Variants in TAF3 observed in about 807,000 individuals in gnomAD.
TAF3 encodes transcription initiation factor TFIID subunit 3.
A neutral mutation model predicts 80.6 loss-of-function variants in TAF3; 7 were observed. The ratio of observed to expected loss-of-function variants is 0.09; its 90% confidence interval spans 0.05 to 0.16. TAF3 has a LOEUF of 0.16. TAF3 is among the 10% of genes least tolerant of loss of function. TAF3 has a pLI of 1.00. For synonymous variants in TAF3, 444 were observed against 446.1 expected, an observed-to-expected ratio of 1.00 and a Z score of 0.06; for missense variants, 921 against 1,140.2, an observed-to-expected ratio of 0.81 and a Z score of 2.77.
At chr10:7,865,944 T>A (rs1306864962) in intron 2 of TAF3, among the ~76,000 whole-genome samples, 1 of 152,198 alleles carries the variant, frequency 6.6e-6, no homozygotes, top group Non-Finnish European at 1.5e-5. Flanking sequence ...CCCCATCGTG[T>A]GTAACAGACT....
chr10:7,855,376 C>G (rs569698776), intron 2 of TAF3, among the ~76,000 whole-genome samples: 5 of 152,270 alleles, frequency 3.3e-5, no homozygotes, highest in African/African-American at 1.2e-4. Context: ...ACACACCAGA[C>G]CAGAAGGCAG....
intron 2 of TAF3, among the ~76,000 whole-genome samples, chr10:7,857,504 G>A (rs369045147): frequency 1.4e-3 from 207 of 152,286 alleles, no homozygotes; most frequent in South Asian, 6.8e-3. Context: ...CACAGTCTTC[G>A]GAGTGTGGAG....
At chr10:8,007,562 T>TTTTATA (rs1491164847) in intron 4 of TAF3, among the ~76,000 whole-genome samples, 1 of 60,526 alleles carries the variant, frequency 1.7e-5, no homozygotes, top group African/African-American at 7.5e-5. Flanking sequence ...GTGTGTGAAA[T>TTTTATA]TATATATATA....
chr10:7,916,193 A>G (rs192762652), intron 2 of TAF3, among the ~76,000 whole-genome samples: 12 of 152,282 alleles, frequency 7.9e-5, no homozygotes, highest in Admixed American at 3.3e-4. Context: ...AGTGAGCTAG[A>G]CAGTTTCCTT....
At chr10:7,887,062 C>T (rs1005089429) in intron 2 of TAF3, among the ~76,000 whole-genome samples, 1 of 151,770 alleles carries the variant, frequency 6.6e-6, no homozygotes, top group African/African-American at 2.4e-5. Flanking sequence ...GGTGAAACCT[C>T]GTCTCTACTA....
At position 7,901,798 on chromosome 10, in the gene TAF3, C is replaced by T. The variant is rs564893786; in HGVS notation, c.410-62122C>T. Among the ~76,000 whole-genome samples, 53 of 152,280 alleles carry T rather than the reference C, an allele frequency of 3.5e-4. No individual in the cohort carries two copies. The South Asian group carries it at 7.1e-3, about 20-fold the overall frequency. ...TACAGCTGAATGACTAAGGCTGTGA[C>T]GGTCACATTTAAATAACTTTGTTTT... On this transcript the variant is annotated intron_variant, in intron 2 of 6. Transcript: ENST00000344293.
intron 2 of TAF3, among the ~76,000 whole-genome samples, chr10:7,827,747 T>C (rs1836756911): frequency 6.8e-6 from 1 of 147,568 alleles, no homozygotes; most frequent in African/African-American, 2.5e-5. Flanking sequence ...GCCACTGTAC[T>C]CCAGCCTGGG....
At chr10:7,871,146 T>C (rs979619814) in intron 2 of TAF3, among the ~76,000 whole-genome samples, 1 of 152,116 alleles carries the variant, frequency 6.6e-6, no homozygotes, top group South Asian at 2.1e-4. Flanking sequence ...AAGTTTCCTA[T>C]CATACAATAT....
At chr10:7,889,711 T>C (rs1463205459) in intron 2 of TAF3, among the ~76,000 whole-genome samples, 1 of 152,214 alleles carries the variant, frequency 6.6e-6, no homozygotes, top group Admixed American at 6.5e-5. Context: ...ATTGGCCTGG[T>C]CCTGTCCTAT....
intron 4 of TAF3, among the ~76,000 whole-genome samples, chr10:7,994,977 GAA>G (rs71287400): frequency 4.6e-4 from 45 of 97,658 alleles, no homozygotes; most frequent in East Asian, 3.7e-3. Context: ...CTCAAAAAAA[GAA>G]AAAAAAAAAA....
In TAF3 at chr10:7,834,143, AC is replaced by A. The variant is rs561078517; in HGVS notation, c.409+9586del. Among the ~76,000 whole-genome samples, 4 of 151,842 alleles carry A rather than the reference AC, an allele frequency of 2.6e-5. No individual in the cohort carries two copies. In the South Asian group the frequency reaches 8.3e-4, roughly 32 times the overall value. Reference sequence around the variant, plus strand: ...TGTGGGTGCACGTGTTTTCCTCCTCACCCACAGGTTGTGCCTTCACTCTGCT... The same window carrying A: ...TGTGGGTGCACGTGTTTTCCTCCTCACCACAGGTTGTGCCTTCACTCTGCT... On this transcript the variant is annotated intron_variant, in intron 2 of 6. Transcript: ENST00000344293.
Position 7,872,731 on chromosome 10 carries a change from A to G in TAF3, c.409+48171A>G, listed in dbSNP as rs892004155. ...CTGATCTACTTAGCAAATTCTTTAT[A>G]TAATTTCTTTTTCACGCTGCCTTAA... is the stretch of plus-strand genomic sequence containing the variant. On this transcript the variant is annotated intron_variant, in intron 2 of 6. Coordinates refer to ENST00000344293, the MANE Select transcript of TAF3 (RefSeq NM_031923.4). 2.0e-5 allele frequency among the ~76,000 whole-genome samples: 3 copies of G among 152,222 alleles called. No homozygotes were observed. In the South Asian group the frequency reaches 6.2e-4, roughly 31 times the overall value.
chr10:7,858,574 A>G (rs1433401431), intron 2 of TAF3, among the ~76,000 whole-genome samples: 2 of 152,240 alleles, frequency 1.3e-5, no homozygotes, highest in African/African-American at 2.4e-5. Context: ...TATCTGTGTC[A>G]TGTTGAAAAT....
intron 2 of TAF3, among the ~76,000 whole-genome samples, chr10:7,881,239 CAA>C (rs367722402): frequency 9.2e-6 from 1 of 109,142 alleles, no homozygotes. Context: ...GACCCTGTCT[CAA>C]AAAAAAAAAA....
intron 4 of TAF3, among the ~76,000 whole-genome samples, chr10:7,989,109 C>A (rs76929952): frequency 0.029 from 4,434 of 152,244 alleles, 237 homozygotes; most frequent in African/African-American, 0.1. Flanking sequence ...ACCAAGATTT[C>A]AACCCAGAGG....
chr10:7,885,927 C>CT (rs552370656), intron 2 of TAF3, among the ~76,000 whole-genome samples: 173 of 152,020 alleles, frequency 1.1e-3, no homozygotes, highest in African/African-American at 3.9e-3. Context: ...TCTGTTGATA[C>CT]TTTTTTTTAA....
At chr10:7,880,822 A>G (rs532533747) in intron 2 of TAF3, among the ~76,000 whole-genome samples, 1 of 152,334 alleles carries the variant, frequency 6.6e-6, no homozygotes, top group South Asian at 2.1e-4. Flanking sequence ...GATGCGTGCA[A>G]CAGATGTATA....
intron 2 of TAF3, among the ~76,000 whole-genome samples, chr10:7,857,800 G>A (rs1055738918): frequency 6.6e-6 from 1 of 151,848 alleles, no homozygotes; most frequent in Admixed American, 6.6e-5. Flanking sequence ...AAAAAGGCAG[G>A]GGAAAATTAG....
rs945826013 is a variant in TAF3, at chr10:7,874,693, C to G, written c.409+50133C>G. ...ATGGACTCTAACAGATATGTTTTGT[C>G]TTAGTTTTTTTTTTCAGTTAATTTT... On this transcript the variant is annotated intron_variant, in intron 2 of 6. Transcript: ENST00000344293. Among the ~76,000 whole-genome samples the G allele has an allele frequency of 3.4e-4, 49 of 142,414 alleles. 1 individual carries two copies. The highest frequency in any genetic ancestry group is 3.8e-3 in the Middle Eastern group (1 of 260). The allele number at this position is 142,414 out of a possible 152,430, so 93.4% of individuals were successfully genotyped here.
Sources: allele counts gnomAD v4.1 joint callset (sites outside exome capture counted in the v4.1 genomes callset), GRCh38; gene constraint gnomAD v4.1.1; transcripts MANE v1.5; gene names NCBI Gene and HGNC (gene_info 2026-07-23, HGNC 2026-07-21).